The following MOCOS variants were observed in gnomAD, a reference collection of about 807,000 sequenced individuals.
MOCOS encodes human molybdenum cofactor sulfurase.
A neutral mutation model predicts 83.6 loss-of-function variants in MOCOS; 86 were observed. The observed-to-expected ratio is 1.03, with a 90% CI of 0.86 to 1.23. MOCOS has a LOEUF of 1.23. MOCOS is among the 50% of genes most tolerant of loss of function. The pLI is 0.00. For synonymous variants in MOCOS, 445 were observed against 434.7 expected, an observed-to-expected ratio of 1.02 and a Z score of -0.29; for missense variants, 1,120 against 1,126.9, an observed-to-expected ratio of 0.99 and a Z score of 0.09.
At chr18:36,212,256 A>C (rs908243453) in intron 6 of MOCOS, among the ~76,000 whole-genome samples, 1 of 152,262 alleles carries the variant, frequency 6.6e-6, no homozygotes, top group Non-Finnish European at 1.5e-5. Flanking sequence ...CATGAGCTGC[A>C]TAAAATGGTT....
chr18:36,204,942 G>C (rs1469337256), intron 5 of MOCOS, 135 bp from the exon 6 acceptor site: 8 of 752,738 alleles, frequency 1.1e-5, no homozygotes, highest in South Asian at 1.8e-5. Flanking sequence ...GCAGTGAGCT[G>C]TGATCATACC....
At chr18:36,225,387 T>A (rs1291031295) in intron 9 of MOCOS, among the ~76,000 whole-genome samples, 1 of 152,182 alleles carries the variant, frequency 6.6e-6, no homozygotes, top group African/African-American at 2.4e-5. Flanking sequence ...CTTGACCTCG[T>A]GATCTGCCTG....
intron 1 of MOCOS, among the ~76,000 whole-genome samples, chr18:36,191,503 G>T (rs535948842): frequency 1.3e-5 from 2 of 152,204 alleles, no homozygotes; most frequent in Non-Finnish European, 2.9e-5. Flanking sequence ...GAATGCAGTG[G>T]CATGATCATA....
intron 11 of MOCOS, among the ~76,000 whole-genome samples, chr18:36,255,659 G>A (rs918935015): frequency 3.3e-5 from 5 of 152,066 alleles, no homozygotes; most frequent in Admixed American, 2.6e-4. Context: ...CAGATCTGGA[G>A]GGCAGTTCTC....
At chr18:36,221,627 CTGTTCTGTTCTGTTCTG>C (rs2091496285) in intron 9 of MOCOS, among the ~76,000 whole-genome samples, 3 of 151,194 alleles carry the variant, frequency 2.0e-5, no homozygotes, top group African/African-American at 7.3e-5. Flanking sequence ...CTGTTCTGTT[CTGTTCTGTTCTGTTCTG>C]TTCTGTTCCC....
intron 9 of MOCOS, among the ~76,000 whole-genome samples, chr18:36,240,151 C>T (rs1249634780): frequency 2.1e-4 from 27 of 131,186 alleles, no homozygotes; most frequent in African/African-American, 4.6e-4. Flanking sequence ...AGTCATTCTC[C>T]GTCCAGCTTT....
At chr18:36,187,767 C>T in intron 1 of MOCOS, 86 bp downstream of exon 1, 1 of 1,224,902 alleles carries the variant, frequency 8.2e-7, no homozygotes, top group Non-Finnish European at 1.0e-6. Flanking sequence ...AGCGGCGCTA[C>T]CTCATTCGGG....
intron 9 of MOCOS, among the ~76,000 whole-genome samples, chr18:36,245,930 G>A (rs969307333): frequency 3.9e-5 from 6 of 152,074 alleles, no homozygotes; most frequent in African/African-American, 1.4e-4. Flanking sequence ...AAACTTTCCT[G>A]TGTATTTTGC....
intron 6 of MOCOS, among the ~76,000 whole-genome samples, chr18:36,205,844 A>G (rs2091432710): frequency 6.6e-6 from 1 of 151,970 alleles, no homozygotes; most frequent in Admixed American, 6.6e-5. Flanking sequence ...GGTTCAAGCA[A>G]TTCTCATGCC....
At chr18:36,248,835 G>A in intron 9 of MOCOS, 87 bp from the exon 10 acceptor site, 1 of 1,098,544 alleles carries the variant, frequency 9.1e-7, no homozygotes, top group Non-Finnish European at 1.4e-6. Context: ...TGCTGTTTTG[G>A]TTACTACAGC....
At chr18:36,190,059 C>T (rs2091359066) in intron 1 of MOCOS, 1 of 152,156 alleles carries the variant, frequency 6.6e-6, no homozygotes, top group Non-Finnish European at 1.5e-5. Context: ...TTTGTTTTTC[C>T]TGCAAAATTA....
intron 14 of MOCOS, among the ~76,000 whole-genome samples, chr18:36,267,254 TG>T (rs758255458): frequency 6.6e-6 from 1 of 152,248 alleles, no homozygotes; most frequent in Non-Finnish European, 1.5e-5. Flanking sequence ...TCATTAAGCC[TG>T]GAAATTCATT....
At chr18:36,202,625 A>G (rs945341870) in intron 4 of MOCOS, among the ~76,000 whole-genome samples, 1 of 152,218 alleles carries the variant, frequency 6.6e-6, no homozygotes, top group Non-Finnish European at 1.5e-5. Context: ...CAGCAGAGGG[A>G]AGGTATTAAT....
chr18:36,211,410 G>C (rs1452213954), intron 6 of MOCOS, among the ~76,000 whole-genome samples: 1 of 151,372 alleles, frequency 6.6e-6, no homozygotes, highest in Non-Finnish European at 1.5e-5. Flanking sequence ...CTGTGAAATG[G>C]GGATAAAAAT....
chr18:36,259,966 G>T, intron 12 of MOCOS, 71 bp from the exon 13 acceptor site: 1 of 1,589,440 alleles, frequency 6.3e-7, no homozygotes, highest in East Asian at 2.2e-5. Flanking sequence ...TGGCAGGCAT[G>T]ATGAATTATT....
At chr18:36,235,131 TA>T (rs1313119876) in intron 9 of MOCOS, among the ~76,000 whole-genome samples, 3 of 151,878 alleles carry the variant, frequency 2.0e-5, no homozygotes, top group African/African-American at 7.3e-5. Context: ...TCAATTTTTT[TA>T]AATTTTTTTA....
rs767576793 is a variant in MOCOS, at chr18:36,257,068, C to A, written c.2265C>A (p.Asn755Lys). ...SSILELHRQL[N>K]TSDENGKEEL... ...TTTTGGAACTTCACCGGCAACTAAA[C>A]ACCAGGTAAGACCTCATACCTCGGG... The change falls in exon 12 of 15, where the codon AAC becomes AAA. Residue 755 changes from asparagine to lysine, a missense_variant. By Grantham distance (94) the Asn-to-Lys change is moderately conservative (BLOSUM62 0). Coordinates refer to ENST00000261326, the MANE Select transcript of MOCOS (RefSeq NM_017947.4). 1.1e-5 allele frequency: 17 copies of A among 1,613,046 alleles called. No homozygotes were observed. The highest frequency in any genetic ancestry group is 1.4e-5 in the Non-Finnish European group (17 of 1,179,030).
chr18:36,218,650 G>A (rs2091483634), intron 8 of MOCOS, among the ~76,000 whole-genome samples: 2 of 151,930 alleles, frequency 1.3e-5, no homozygotes, highest in African/African-American at 4.8e-5. Context: ...GAGTAGCTGA[G>A]ACTACAGGCA....
rs144644128 is a variant in MOCOS, at chr18:36,213,463, T to C, written c.1316T>C (p.Met439Thr). 708 of 1,613,720 alleles carry C rather than the reference T, an allele frequency of 4.4e-4. 5 individuals are homozygous for C. In the Middle Eastern group the frequency reaches 0.016, roughly 36 times the overall value. The change falls in exon 7 of 15, where the codon ATG (methionine) becomes ACG (threonine). Residue 439 changes from methionine (M) to threonine (T), a missense_variant. Met to Thr is a moderately conservative substitution (Grantham distance 81). Transcript: ENST00000261326. ...CQRHLGISNE[M>T]VRKHFQAGHV... ...AGGCACCTGGGCATAAGCAACGAGA[T>C]GGTCAGGAAGCATTTTCAGGTTGGT...
Sources: allele counts gnomAD v4.1 joint callset (sites outside exome capture counted in the v4.1 genomes callset), GRCh38; gene constraint gnomAD v4.1.1; transcripts MANE v1.5; gene names NCBI Gene and HGNC (gene_info 2026-07-23, HGNC 2026-07-21).